The following DISC1 variants were observed in gnomAD, a reference collection of about 807,000 sequenced individuals.
DISC1 encodes the protein disrupted in schizophrenia 1 protein.
DISC1 carries 57 observed loss-of-function variants against 84.5 expected under a neutral mutation model. That is an observed-to-expected ratio of 0.67 (90% CI 0.55 to 0.84). DISC1 has a LOEUF of 0.84. DISC1 is among the 40% of genes least tolerant of loss of function. DISC1 has a pLI of 0.00. For synonymous variants in DISC1, 411 were observed against 415.2 expected, an observed-to-expected ratio of 0.99 and a Z score of 0.12; for missense variants, 1,000 against 1,057.8, an observed-to-expected ratio of 0.95 and a Z score of 0.76.
At position 231,630,827 on chromosome 1, in the gene DISC1, C is replaced by T. The variant is rs141714220; in HGVS notation, c.67+3893C>T. 3.9e-5 allele frequency among the ~76,000 whole-genome samples: 6 copies of T among 152,112 alleles called. No individual in the cohort carries two copies. The highest frequency in any genetic ancestry group is 6.5e-5 in the Admixed American group (1 of 15,268). Reference sequence around the variant, plus strand: ...GAGTTCACCAGCTGTTTCTCTTGAGCGAAGACTTTGCAATGAGCTTTCAAA... The same window carrying T: ...GAGTTCACCAGCTGTTTCTCTTGAGTGAAGACTTTGCAATGAGCTTTCAAA... On this transcript the variant is annotated intron_variant, in intron 1 of 12. Transcript: ENST00000439617. The surrounding 1 kb of genome is among the most constrained non-coding windows in gnomAD (Gnocchi z 4.4).
chr1:231,800,457 A>G (rs1031515138), intron 8 of DISC1, among the ~76,000 whole-genome samples: 9 of 152,268 alleles, frequency 5.9e-5, no homozygotes, highest in Non-Finnish European at 8.8e-5. Flanking sequence ...TCTGTGTGCC[A>G]TATGATTCTA....
At chr1:231,723,965 A>G in intron 3 of DISC1, 1 of 985,462 alleles carries the variant, frequency 1.0e-6, no homozygotes, top group Non-Finnish European at 1.2e-6. Flanking sequence ...GACTCCAGGA[A>G]GGAAACTCAC....
chr1:231,840,185 G>A (rs780011218), intron 9 of DISC1, among the ~76,000 whole-genome samples: 1 of 152,178 alleles, frequency 6.6e-6, no homozygotes, highest in Non-Finnish European at 1.5e-5. Flanking sequence ...ATCTCTGGTG[G>A]GATGTGTCAG....
intron 1 of DISC1, among the ~76,000 whole-genome samples, chr1:231,628,759 G>A (rs1408412359): frequency 6.6e-6 from 1 of 152,088 alleles, no homozygotes; most frequent in Non-Finnish European, 1.5e-5. Context: ...TTTTTCTTTA[G>A]GAGACAGAGT....
intron 9 of DISC1, among the ~76,000 whole-genome samples, chr1:231,819,613 T>C (rs2081343241): frequency 6.6e-6 from 1 of 152,184 alleles, no homozygotes; most frequent in Non-Finnish European, 1.5e-5. Context: ...TTGCCGTATA[T>C]GTAACTAGAG....
chr1:231,764,731 G>A (rs1208999752), intron 4 of DISC1, among the ~76,000 whole-genome samples: 1 of 152,148 alleles, frequency 6.6e-6, no homozygotes, highest in East Asian at 1.9e-4. Flanking sequence ...TTATTTACAT[G>A]CAATCAATAC....
At chr1:231,968,827 T>C (rs915321469) in intron 10 of DISC1, among the ~76,000 whole-genome samples, 2 of 152,096 alleles carry the variant, frequency 1.3e-5, no homozygotes, top group Non-Finnish European at 1.5e-5. Context: ...TGGAATCAGA[T>C]AGTCTAGATT....
chr1:231,676,327 C>T (rs1215979069), intron 1 of DISC1, among the ~76,000 whole-genome samples: 1 of 152,200 alleles, frequency 6.6e-6, no homozygotes, highest in Non-Finnish European at 1.5e-5. Context: ...TTCCCTGTGA[C>T]CATTTAGGAT....
chr1:231,821,447 GC>G (rs1191058105), intron 9 of DISC1, among the ~76,000 whole-genome samples: 1 of 152,114 alleles, frequency 6.6e-6, no homozygotes, highest in Non-Finnish European at 1.5e-5. Flanking sequence ...GGCTTTTGTT[GC>G]CAAGACACAA....
chr1:231,950,942 AGGGCAATGG>A lies in DISC1; in HGVS notation c.1982-7883_1982-7875del, dbSNP rs543112347. Among the ~76,000 whole-genome samples, 389 of 152,334 alleles carry A rather than the reference AGGGCAATGG, an allele frequency of 2.6e-3. 1 individual carries two copies. Among genetic ancestry groups the A allele is most frequent in the Non-Finnish European group, 4.1e-3 (279 of 68,020 alleles). Reference sequence around the variant, plus strand: ...TCTTTGAGATGTGCTCCAGGGTTCAAGGGCAATGGGGCAGAACTCTCTGAGGGTGGTGAC... The same window carrying A: ...TCTTTGAGATGTGCTCCAGGGTTCAAGGCAGAACTCTCTGAGGGTGGTGAC... On this transcript the variant is annotated intron_variant, in intron 9 of 12. Coordinates refer to ENST00000439617, the MANE Select transcript of DISC1 (RefSeq NM_018662.3).
In DISC1 at chr1:231,779,559, T is replaced by G. The variant is rs541501744; in HGVS notation, c.1634+8489T>G. Among the ~76,000 whole-genome samples, 117 of 140,410 alleles carry G rather than the reference T, an allele frequency of 8.3e-4. 1 individual carries two copies. The South Asian group carries it at 0.014, about 16-fold the overall frequency. The allele number at this position is 140,410 out of a possible 152,430, so 92.1% of individuals were successfully genotyped here. A position where few individuals can be genotyped will look rare whatever the true frequency, so the allele number is the denominator to read the frequency against. On this transcript the variant is annotated intron_variant, in intron 6 of 12. Transcript: ENST00000439617. ...GGTCAACCTATTCTTGTTTTTTTTT[T>G]TTTTTTTTTTTTTTTTTTTAAGATG...
At chr1:231,845,036 A>G (rs1016573141) in intron 9 of DISC1, among the ~76,000 whole-genome samples, 6 of 152,118 alleles carry the variant, frequency 3.9e-5, no homozygotes, top group African/African-American at 1.4e-4. Flanking sequence ...CATGCAGCTG[A>G]AGCCTCCAGG....
rs1490910003 is a variant in DISC1 at position 232,031,289 on chromosome 1, G to GAGGA, written c.2425+4750_2425+4753dup. Among the ~76,000 whole-genome samples the GAGGA allele has an allele frequency of 7.1e-6, 1 of 140,562 alleles. No individual in the cohort carries two copies. Among genetic ancestry groups the GAGGA allele is most frequent in the African/African-American group, 2.6e-5 (1 of 37,886 alleles). The allele number at this position is 140,562 out of a possible 152,430, so 92.2% of individuals were successfully genotyped here. ...GATAAAGAAAGAAAAAGAAAGAAAA[G>GAGGA]AGGAAGGAAGGAAGGAGAGAGGGAA... On this transcript the variant is annotated intron_variant, in intron 12 of 12. Transcript: ENST00000439617. This position sits in a 1 kb window ranked among gnomAD's most constrained non-coding sequence, Gnocchi z 4.6.
At chr1:231,958,280 G>T (rs117514272) in intron 9 of DISC1, among the ~76,000 whole-genome samples, 18 of 152,214 alleles carry the variant, frequency 1.2e-4, no homozygotes, top group Non-Finnish European at 2.5e-4. Flanking sequence ...ATTAGGAAGC[G>T]CTGAGTTTAT....
At chr1:231,707,787 G>A (rs551955522) in intron 3 of DISC1, among the ~76,000 whole-genome samples, 1 of 152,222 alleles carries the variant, frequency 6.6e-6, no homozygotes, top group African/African-American at 2.4e-5. Context: ...AATCCTGAAT[G>A]CCATCATCCT....
rs11577625 is a variant in DISC1, at chr1:231,630,717, C to T, written c.67+3783C>T. Reference sequence around the variant, plus strand: ...TGACTTTGTGGTAAAAATTCCTTAGCGAATGACTTCTGTGCAACAATCATG... The same window carrying T: ...TGACTTTGTGGTAAAAATTCCTTAGTGAATGACTTCTGTGCAACAATCATG... On this transcript the variant is annotated intron_variant, in intron 1 of 12. Transcript: ENST00000439617. The surrounding 1 kb of genome is among the most constrained non-coding windows in gnomAD (Gnocchi z 4.4). Among the ~76,000 whole-genome samples the T allele has an allele frequency of 0.15, 22,397 of 152,100 alleles. 2,228 individuals are homozygous for T. The highest frequency in any genetic ancestry group is 0.42 in the East Asian group (2,180 of 5,172).
At chr1:231,877,725 T>C (rs1298185099) in intron 9 of DISC1, among the ~76,000 whole-genome samples, 1 of 152,252 alleles carries the variant, frequency 6.6e-6, no homozygotes, top group African/African-American at 2.4e-5. Context: ...GTGGAACATA[T>C]ATGTTCAGAT....
chr1:231,840,659 T>G (rs1374241420), intron 9 of DISC1, among the ~76,000 whole-genome samples: 1 of 151,900 alleles, frequency 6.6e-6, no homozygotes, highest in Non-Finnish European at 1.5e-5. Flanking sequence ...GATTAGAAAT[T>G]AACAGCCCAA....
intron 8 of DISC1, chr1:231,815,119 C>T (rs1330018160): frequency 6.6e-6 from 1 of 151,776 alleles, no homozygotes; most frequent in Admixed American, 6.6e-5. Flanking sequence ...ATTTATGGGA[C>T]ACTCATTAAT....
Sources: allele counts gnomAD v4.1 joint callset (sites outside exome capture counted in the v4.1 genomes callset), GRCh38; gene constraint gnomAD v4.1.1; non-coding constraint Gnocchi (gnomAD v3.1); transcripts MANE v1.5; gene names NCBI Gene and HGNC (gene_info 2026-07-23, HGNC 2026-07-21).